The following MRO variants were observed in gnomAD, a reference collection of about 807,000 sequenced individuals.
MRO encodes protein maestro.
In MRO, 28 loss-of-function variants were observed where a neutral mutation model predicts 31.0. The ratio of observed to expected loss-of-function variants is 0.90; its 90% CI spans 0.67 to 1.24. The LOEUF is 1.24. MRO is among the 50% of genes most tolerant of loss of function. MRO has a pLI of 0.00. For missense variants in MRO, 332 were observed against 289.2 expected (o/e 1.15, Z -1.07); for synonymous variants, 108 against 108.4 (o/e 1.00, Z 0.02).
At chr18:50,811,524 G>A (rs906766479) in intron 2 of MRO, among the ~76,000 whole-genome samples, 3 of 152,084 alleles carry the variant, frequency 2.0e-5, no homozygotes, top group African/African-American at 7.2e-5. Flanking sequence ...GTTGTAGCAT[G>A]TATCAGTATT....
At chr18:50,810,478 G>C (rs541684792) in intron 2 of MRO, among the ~76,000 whole-genome samples, 2 of 152,316 alleles carry the variant, frequency 1.3e-5, no homozygotes, top group East Asian at 3.9e-4. Flanking sequence ...ATGCATAGGA[G>C]AAGGAAAAAT....
rs1020366202 is a variant in MRO, at chr18:50,795,177, G to C, written c.*4160C>G. On this transcript the variant is annotated 3_prime_UTR_variant, in exon 8 of 8. Coordinates refer to ENST00000398439, the MANE Select transcript of MRO (RefSeq NM_031939.6). ...TGTTATCAAGTTATATTATCAACAG[G>C]TTATTGTCATCAACAGATTAAAACA... 1 of 152,084 alleles carries C rather than the reference G, an allele frequency of 6.6e-6. No individual in the cohort carries two copies. The highest frequency in any genetic ancestry group is 1.5e-5 in the Non-Finnish European group (1 of 68,020). The allele number at this position is 152,084 out of a possible 1,614,324, so 9.4% of individuals were successfully genotyped here.
chr18:50,801,597 T>C, intron 5 of MRO, 93 bp from the exon 6 acceptor site: 3 of 1,187,442 alleles, frequency 2.5e-6, no homozygotes, highest in Non-Finnish European at 3.6e-6. Flanking sequence ...TCAGAACACA[T>C]CACAGCCGTC....
At chr18:50,802,741 TTA>T (rs1599010393) in intron 5 of MRO, among the ~76,000 whole-genome samples, 1 of 151,926 alleles carries the variant, frequency 6.6e-6, no homozygotes, top group East Asian at 2.0e-4. Flanking sequence ...TGTTTTTGTT[TTA>T]GAGACAACAT....
At chr18:50,806,903 A>G in intron 3 of MRO, 53 bp from the exon 4 acceptor site, 1 of 1,552,578 alleles carries the variant, frequency 6.4e-7, no homozygotes, top group Non-Finnish European at 8.8e-7. Context: ...AGTCATACCA[A>G]TCCCAACCCC....
intron 5 of MRO, 104 bp from the exon 6 acceptor site, chr18:50,801,608 A>G (rs1913333567): frequency 9.1e-7 from 1 of 1,101,450 alleles, no homozygotes; most frequent in Non-Finnish European, 1.3e-6. Context: ...CACAGCCGTC[A>G]ATCAGAACAC....
intron 3 of MRO, 111 bp from the exon 4 acceptor site, chr18:50,806,961 C>T: frequency 9.1e-7 from 1 of 1,102,370 alleles, no homozygotes; most frequent in Non-Finnish European, 1.3e-6. Context: ...TCAATTTTAC[C>T]CCTTCTTTCT....
intron 7 of MRO, 53 bp downstream of exon 7, chr18:50,799,983 C>A (rs1306327702): frequency 2.3e-6 from 3 of 1,310,456 alleles, no homozygotes; most frequent in Non-Finnish European, 3.3e-6. Context: ...CCGTGTTAAC[C>A]ACCAGGAGGG....
intron 7 of MRO, among the ~76,000 whole-genome samples, chr18:50,799,692 C>G (rs796596579): frequency 6.6e-6 from 1 of 152,256 alleles, no homozygotes; most frequent in African/African-American, 2.4e-5. Flanking sequence ...AGGCAGATCA[C>G]TTGAGATCAG....
rs548957886 is a variant in MRO at position 50,802,481 on chromosome 18, A to T, written c.430-977T>A. Among the ~76,000 whole-genome samples, 10 of 152,220 alleles carry T rather than the reference A, an allele frequency of 6.6e-5. No individual in the cohort carries two copies. In the South Asian group the frequency reaches 2.1e-3, roughly 32 times the overall value. On this transcript the variant is annotated intron_variant, in intron 5 of 7. Transcript: ENST00000398439. ...GGTAACAGAGCCAGTATAGTAACCT[A>T]AACACCTGACTCATGGTGCACGGGT...
At chr18:50,800,253 G>A in intron 6 of MRO, 110 bp from the exon 7 acceptor site, 2 of 696,840 alleles carry the variant, frequency 2.9e-6, no homozygotes, top group South Asian at 2.2e-5. Context: ...CCCACTGAAA[G>A]TGTGAAAGTA....
intron 6 of MRO, 22 bp from the exon 7 acceptor site, chr18:50,800,165 T>G (rs781238831): frequency 7.3e-6 from 11 of 1,508,076 alleles, no homozygotes; most frequent in Non-Finnish European, 9.2e-6. Flanking sequence ...AATATTACTA[T>G]TTTATTTATT....
chr18:50,815,489 G>A, intron 2 of MRO: 1 of 300,790 alleles, frequency 3.3e-6, no homozygotes, highest in South Asian at 3.6e-5. Context: ...CCGTGGTGGT[G>A]GTGGACCAGG....
upstream of MRO, among the ~76,000 whole-genome samples, chr18:50,822,959 G>A (rs1915363179): frequency 6.6e-6 from 1 of 152,094 alleles, no homozygotes; most frequent in Admixed American, 6.5e-5. Flanking sequence ...CGCAAGGCAG[G>A]AATTGATAAG....
chr18:50,820,556 T>C (rs1369871534), upstream of MRO, among the ~76,000 whole-genome samples: 2 of 152,256 alleles, frequency 1.3e-5, no homozygotes, highest in Non-Finnish European at 2.9e-5. Flanking sequence ...GAGGCACTTA[T>C]TGTTATGCTA....
intron 1 of MRO, among the ~76,000 whole-genome samples, chr18:50,825,074 TAA>T (rs11451139): frequency 0.12 from 17,498 of 141,906 alleles, 1,094 homozygotes; most frequent in South Asian, 0.15. Flanking sequence ...GATTCCATCT[TAA>T]AAAAAAAAAA....
At chr18:50,824,225 A>C (rs1357887837), upstream of MRO, 2 of 152,234 alleles carry the variant, frequency 1.3e-5, no homozygotes, top group African/African-American at 2.4e-5. Context: ...ACTTGAGCCT[A>C]GGAGTTTGAG....
chr18:50,820,121 T>G, upstream of MRO: 3 of 656,832 alleles, frequency 4.6e-6, no homozygotes, highest in South Asian at 3.7e-5. Flanking sequence ...AGGCGACCCC[T>G]GCACAAAGCC....
At chr18:50,821,894 C>G (rs1461575128), upstream of MRO, among the ~76,000 whole-genome samples, 1 of 152,154 alleles carries the variant, frequency 6.6e-6, no homozygotes, top group Non-Finnish European at 1.5e-5. Flanking sequence ...TCATAAACGG[C>G]CTGGATGCAG....
Sources: gnomAD v4.1 joint callset for allele counts (sites outside exome capture counted in the v4.1 genomes callset) on GRCh38, gnomAD v4.1.1 for gene constraint, MANE v1.5 for transcripts, NCBI Gene and HGNC (gene_info 2026-07-23, HGNC 2026-07-21) for gene names.